Variants in RTN1 observed in about 807,000 individuals in gnomAD.
The protein encoded by RTN1 is reticulon 1.
Under a neutral mutation model 65.5 loss-of-function variants are expected in RTN1, and 25 were observed. That is an observed-to-expected ratio of 0.38 (90% CI 0.28 to 0.53). The LOEUF (loss-of-function observed/expected upper bound fraction) is 0.53. RTN1 is among the 20% of genes least tolerant of loss of function. The probability of loss-of-function intolerance (pLI) is 0.79; values close to 1 mark genes in which losing one functional copy is unlikely to be tolerated. For synonymous variants in RTN1, 471 were observed against 447.6 expected, an observed-to-expected ratio of 1.05 and a Z score of -0.66; for missense variants, 983 against 1,025.4, an observed-to-expected ratio of 0.96 and a Z score of 0.57.
intron 1 of RTN1, among the ~76,000 whole-genome samples, chr14:59,855,901 T>C (rs1447373530): frequency 1.3e-5 from 2 of 152,210 alleles, no homozygotes; most frequent in African/African-American, 2.4e-5. Context: ...GGGACCTCAG[T>C]TTATTTCATG....
chr14:59,812,929 T>C (rs1351461032), intron 1 of RTN1, among the ~76,000 whole-genome samples: 1 of 152,168 alleles, frequency 6.6e-6, no homozygotes, highest in African/African-American at 2.4e-5. Context: ...CACTGCAAAG[T>C]AAATAAAAGA....
intron 1 of RTN1, among the ~76,000 whole-genome samples, chr14:59,833,359 G>T (rs1391860081): frequency 6.6e-6 from 1 of 152,146 alleles, no homozygotes; most frequent in East Asian, 1.9e-4. Context: ...GGCGATATAA[G>T]TCTAAGAGGG....
rs1358514482 is a variant in RTN1 at position 59,849,640 on chromosome 14, G to A, written c.241+20750C>T. On this transcript the variant is annotated intron_variant, in intron 1 of 8. Coordinates refer to ENST00000267484, the MANE Select transcript of RTN1 (RefSeq NM_021136.3). This position sits in a 1 kb window ranked among gnomAD's most constrained non-coding sequence, Gnocchi z 4.5. ...AGAAAGCTTTGGGTGGCCCTGTACA[G>A]AACCCCAAGAATGGCTCCTACTCCT... is the stretch of plus-strand genomic sequence containing the variant. 6.6e-6 allele frequency among the ~76,000 whole-genome samples: 1 copy of A among 152,156 alleles called. No homozygotes were observed. The highest frequency in any genetic ancestry group is 1.5e-5 in the Non-Finnish European group (1 of 68,030).
intron 3 of RTN1, among the ~76,000 whole-genome samples, chr14:59,680,948 C>T (rs999239383): frequency 4.6e-5 from 7 of 151,996 alleles, no homozygotes; most frequent in Admixed American, 4.6e-4. Context: ...ATACAGCCAA[C>T]ATAACAAGTA....
intron 3 of RTN1, among the ~76,000 whole-genome samples, chr14:59,711,147 G>A (rs1482470061): frequency 1.3e-5 from 2 of 152,156 alleles, no homozygotes; most frequent in Non-Finnish European, 2.9e-5. Flanking sequence ...AAAATGAGAA[G>A]AAGCATTCAT....
At chr14:59,627,406 A>G (rs1187121423) in intron 3 of RTN1, among the ~76,000 whole-genome samples, 1 of 152,234 alleles carries the variant, frequency 6.6e-6, no homozygotes, top group Non-Finnish European at 1.5e-5. Flanking sequence ...AAATGAGGAC[A>G]ATAATAAAAC....
intron 1 of RTN1, among the ~76,000 whole-genome samples, chr14:59,817,937 T>C (rs1382543534): frequency 6.6e-6 from 1 of 152,216 alleles, no homozygotes; most frequent in African/African-American, 2.4e-5. Context: ...GTAAATTGTG[T>C]GTCACTGGGG....
At chr14:59,860,272 C>A (rs1208521235) in intron 1 of RTN1, among the ~76,000 whole-genome samples, 3 of 152,178 alleles carry the variant, frequency 2.0e-5, no homozygotes, top group Non-Finnish European at 4.4e-5. Context: ...TGAAAGGGGA[C>A]AAGCTGAAGC....
At chr14:59,710,609 A>G (rs1348748210) in intron 3 of RTN1, among the ~76,000 whole-genome samples, 1 of 152,226 alleles carries the variant, frequency 6.6e-6, no homozygotes, top group Non-Finnish European at 1.5e-5. Flanking sequence ...GGGAACAAAG[A>G]TGCTGAGTGC....
At chr14:59,763,750 C>T (rs1218445914) in intron 1 of RTN1, among the ~76,000 whole-genome samples, 1 of 152,050 alleles carries the variant, frequency 6.6e-6, no homozygotes, top group Non-Finnish European at 1.5e-5. Context: ...CCAGGAAGGT[C>T]TCAATCTCCT....
At chr14:59,799,911 G>T (rs1441626339) in intron 1 of RTN1, among the ~76,000 whole-genome samples, 6 of 152,148 alleles carry the variant, frequency 3.9e-5, no homozygotes, top group African/African-American at 1.4e-4. Flanking sequence ...CACTGAAAAA[G>T]ACTTCCCTTT....
chr14:59,867,287 GT>G (rs1887816686), intron 1 of RTN1, among the ~76,000 whole-genome samples: 2 of 152,168 alleles, frequency 1.3e-5, no homozygotes, highest in Non-Finnish European at 2.9e-5. Flanking sequence ...AAACAGAACA[GT>G]TGCTCTTAAC....
chr14:59,755,349 G>A (rs1885616672), intron 1 of RTN1, among the ~76,000 whole-genome samples: 1 of 152,134 alleles, frequency 6.6e-6, no homozygotes. Context: ...CTATTAAATT[G>A]AGAATTTTTT....
chr14:59,726,000 A>C (rs530294713), intron 3 of RTN1, among the ~76,000 whole-genome samples: 2 of 152,230 alleles, frequency 1.3e-5, no homozygotes, highest in Non-Finnish European at 2.9e-5. Flanking sequence ...TTTGTTTTAA[A>C]GTCCTACCTG....
At chr14:59,833,257 A>T (rs1313206101) in intron 1 of RTN1, among the ~76,000 whole-genome samples, 1 of 152,236 alleles carries the variant, frequency 6.6e-6, no homozygotes. Context: ...AATACTTTCC[A>T]AGAAGCAGAA....
Position 59,849,295 on chromosome 14 carries a change from T to G in RTN1, c.241+21095A>C, listed in dbSNP as rs35895259. On this transcript the variant is annotated intron_variant, in intron 1 of 8. Transcript: ENST00000267484. The surrounding 1 kb of genome is among the most constrained non-coding windows in gnomAD (Gnocchi z 4.5). ...TGTCAACTTCTTTCTCTTTTATCTA[T>G]TTCCTCTCTTTTCCTTAACTACTCC... Among the ~76,000 whole-genome samples, 33,694 of 152,166 alleles carry G rather than the reference T, an allele frequency of 0.22. 4,196 individuals carry two copies. The highest frequency in any genetic ancestry group is 0.56 in the East Asian group (2,874 of 5,176).
chr14:59,597,783 G>T (rs1317531479), intron 8 of RTN1, among the ~76,000 whole-genome samples: 1 of 152,202 alleles, frequency 6.6e-6, no homozygotes. Context: ...GACAGGAAGG[G>T]ACCATCAGGC....
At chr14:59,856,899 C>A (rs1180455283) in intron 1 of RTN1, among the ~76,000 whole-genome samples, 1 of 152,128 alleles carries the variant, frequency 6.6e-6, no homozygotes, top group East Asian at 1.9e-4. Context: ...CTTCACATAA[C>A]CCTGTAAGAT....
At chr14:59,648,049 TAAA>T (rs1319156229) in intron 3 of RTN1, among the ~76,000 whole-genome samples, 1 of 152,022 alleles carries the variant, frequency 6.6e-6, no homozygotes, top group African/African-American at 2.4e-5. Flanking sequence ...CCTAGACTAA[TAAA>T]GAAGAAAAGA....
Sources: allele counts gnomAD v4.1 joint callset (sites outside exome capture counted in the v4.1 genomes callset), GRCh38; gene constraint gnomAD v4.1.1; non-coding constraint Gnocchi (gnomAD v3.1); transcripts MANE v1.5; gene names NCBI Gene and HGNC (gene_info 2026-07-23, HGNC 2026-07-21).